CRACD: variants seen among roughly 807,000 people sequenced by gnomAD.
CRACD encodes the protein capping protein inhibiting regulator of actin dynamics.
CRACD carries 56 observed loss-of-function variants against 106.8 expected under a neutral mutation model. The ratio of observed to expected loss-of-function variants is 0.52; its 90% CI spans 0.42 to 0.66. The LOEUF (loss-of-function observed/expected upper bound fraction) is 0.66. Among genes scored for constraint, CRACD ranks in the 30% least tolerant of loss-of-function variants. The pLI, the probability that CRACD is intolerant of heterozygous loss-of-function variation, is 0.00. For synonymous variants in CRACD, 754 were observed against 670.8 expected (o/e 1.12, Z -1.92); for missense variants, 1,730 against 1,623.2 (o/e 1.07, Z -1.13).
Position 56,152,688 on chromosome 4 carries a change from A to G in CRACD, c.-335-26596A>G, listed in dbSNP as rs1386504906. On this transcript the variant is annotated intron_variant, in intron 1 of 10. Transcript: ENST00000682029. Reference sequence around the variant, plus strand: ...CAACTCCAGCCTGGGCGACAGAGTGAGACCCTGTCTCAAAAAAGATAAAAT... The same window carrying G: ...CAACTCCAGCCTGGGCGACAGAGTGGGACCCTGTCTCAAAAAAGATAAAAT... 5.3e-4 allele frequency among the ~76,000 whole-genome samples: 80 copies of G among 152,142 alleles called. 1 individual carries two copies. Among genetic ancestry groups the G allele is most frequent in the Admixed American group, 5.2e-3 (80 of 15,274 alleles).
chr4:56,117,170 G>A (rs778398500), intron 1 of CRACD, among the ~76,000 whole-genome samples: 3 of 151,726 alleles, frequency 2.0e-5, no homozygotes, highest in African/African-American at 7.3e-5. Context: ...ACAGGTGCCC[G>A]CCACCACGCC....
chr4:56,193,976 T>C (rs559719454), intron 2 of CRACD, among the ~76,000 whole-genome samples: 11 of 152,274 alleles, frequency 7.2e-5, no homozygotes, highest in African/African-American at 2.6e-4. Context: ...TTGGATTAAA[T>C]GGAAAAATAT....
At chr4:56,077,136 T>A (rs1732866153) in intron 1 of CRACD, among the ~76,000 whole-genome samples, 1 of 152,280 alleles carries the variant, frequency 6.6e-6, no homozygotes, top group African/African-American at 2.4e-5. Context: ...GGGTAATTTA[T>A]AAAGAAAAGA....
At chr4:56,166,055 GT>G (rs1307564403) in intron 1 of CRACD, among the ~76,000 whole-genome samples, 1 of 152,024 alleles carries the variant, frequency 6.6e-6, no homozygotes, top group Admixed American at 6.6e-5. Context: ...GTAGAGATGG[GT>G]TTTTTTCTAT....
chr4:56,316,665 C>T lies in CRACD; in HGVS notation c.3163C>T (p.Gln1055Ter). 1 of 1,611,158 alleles carries T rather than the reference C, an allele frequency of 6.2e-7. No individual in the cohort carries two copies. Among genetic ancestry groups the T allele is most frequent in the Non-Finnish European group, 8.5e-7 (1 of 1,178,530 alleles). ...TGCCACTCAGCAAGAGAAACCTTCT[C>T]AAACACCCGAGGCCGGGAGGAAAGG... ...LPATQQEKPS[Q>*]TPEAGRKEKP... Residue 1055 changes from glutamine (Q) to a stop codon, truncating the protein, a stop_gained, in exon 8 of 11, where the codon CAA becomes TAA. Coordinates refer to ENST00000682029, the MANE Select transcript of CRACD (RefSeq NM_001393381.1). LOFTEE classifies it high-confidence loss of function.
chr4:56,261,361 C>T (rs777461), intron 2 of CRACD, among the ~76,000 whole-genome samples: 37,148 of 140,684 alleles, frequency 0.26, 5,443 homozygotes, highest in African/African-American at 0.3. Flanking sequence ...TCTTCTTCTT[C>T]TTTTTTTTTT....
rs1745611453 is a variant in CRACD at position 56,315,992 on chromosome 4, G to C, written c.2490G>C (p.Lys830Asn). Reference protein sequence around the residue: ...SDSETANGIAKPDPVMPGGEE... With the variant: ...SDSETANGIANPDPVMPGGEE... Reference sequence around the variant, plus strand: ...GCGAGACTGCAAACGGGATAGCAAAGCCAGACCCTGTGATGCCAGGTGGAG... The same window carrying C: ...GCGAGACTGCAAACGGGATAGCAAACCCAGACCCTGTGATGCCAGGTGGAG... Residue 830 changes from lysine (K) to asparagine (N), a missense_variant, in exon 8 of 11, where the codon AAG becomes AAC. By Grantham distance (94) the Lys-to-Asn change is moderately conservative (BLOSUM62 0). Coordinates refer to ENST00000682029, the MANE Select transcript of CRACD (RefSeq NM_001393381.1). This position sits in a 1 kb window ranked among gnomAD's most constrained non-coding sequence, Gnocchi z 4.1. 2 of 1,614,128 alleles carry C rather than the reference G, an allele frequency of 1.2e-6. No homozygotes were observed. The highest frequency in any genetic ancestry group is 2.7e-5 in the African/African-American group (2 of 74,950).
intron 3 of CRACD, among the ~76,000 whole-genome samples, chr4:56,285,947 A>C (rs751690111): frequency 1.3e-5 from 2 of 152,056 alleles, no homozygotes; most frequent in African/African-American, 2.4e-5. Context: ...TAATCCCTAC[A>C]CTACACAACC....
chr4:56,115,064 T>TA (rs1334327035), intron 1 of CRACD, among the ~76,000 whole-genome samples: 74 of 152,314 alleles, frequency 4.9e-4, no homozygotes, highest in African/African-American at 1.6e-3. Flanking sequence ...AATTGACTTA[T>TA]AGTAATTCCA....
chr4:56,106,286 C>T (rs1029522362), intron 1 of CRACD, among the ~76,000 whole-genome samples: 3 of 152,154 alleles, frequency 2.0e-5, no homozygotes, highest in Non-Finnish European at 2.9e-5. Flanking sequence ...GAGGCAGAAA[C>T]GGCCCTAGGA....
chr4:56,262,358 A>G (rs1346326446), intron 2 of CRACD, among the ~76,000 whole-genome samples: 2 of 152,190 alleles, frequency 1.3e-5, no homozygotes, highest in Non-Finnish European at 2.9e-5. Flanking sequence ...TCTTATTTCT[A>G]CACACTTCGG....
rs111753508 is a variant in CRACD at position 56,178,611 on chromosome 4, C to G, written c.-335-673C>G. Among the ~76,000 whole-genome samples, 513 of 152,308 alleles carry G rather than the reference C, an allele frequency of 3.4e-3. 7 individuals carry two copies. The highest frequency in any genetic ancestry group is 0.012 in the African/African-American group (478 of 41,562). On this transcript the variant is annotated intron_variant, in intron 1 of 10. Transcript: ENST00000682029. ...TCTCTAAGCCCATACAAGCCAACCC[C>G]CATCAGGGCTTGACACCCTTGTCCA... is the stretch of plus-strand genomic sequence containing the variant.
chr4:56,288,325 G>A (rs765664200), intron 3 of CRACD, among the ~76,000 whole-genome samples: 8 of 151,984 alleles, frequency 5.3e-5, no homozygotes, highest in African/African-American at 9.7e-5. Flanking sequence ...TTTGAGCTTC[G>A]TTTAATCCAG....
At chr4:56,156,666 G>C (rs1039620459) in intron 1 of CRACD, among the ~76,000 whole-genome samples, 1 of 152,164 alleles carries the variant, frequency 6.6e-6, no homozygotes, top group Non-Finnish European at 1.5e-5. Context: ...TGAGCAGTTA[G>C]GGACAGTCAC....
At chr4:56,209,651 C>G (rs1280330445) in intron 2 of CRACD, among the ~76,000 whole-genome samples, 1 of 152,086 alleles carries the variant, frequency 6.6e-6, no homozygotes, top group African/African-American at 2.4e-5. Context: ...TTTAGCTTCT[C>G]TATACCATAC....
chr4:56,208,378 A>G (rs533191017), intron 2 of CRACD, among the ~76,000 whole-genome samples: 1 of 152,272 alleles, frequency 6.6e-6, no homozygotes, highest in East Asian at 1.9e-4. Context: ...TAGATTGTGA[A>G]GGGATTCGAT....
chr4:56,156,343 G>A lies in CRACD; in HGVS notation c.-335-22941G>A, dbSNP rs1029381346. 2.6e-5 allele frequency among the ~76,000 whole-genome samples: 4 copies of A among 152,186 alleles called. No individual in the cohort carries two copies. In the East Asian group the frequency reaches 5.8e-4, roughly 22 times the overall value. ...CTTCCTCTGAGAGGCTTTGCTGGGC[G>A]CCTCCAGCTGAGTTGGCTGCTGCCT... On this transcript the variant is annotated intron_variant, in intron 1 of 10. Coordinates refer to ENST00000682029, the MANE Select transcript of CRACD (RefSeq NM_001393381.1).
chr4:56,314,651 C>G lies in CRACD; in HGVS notation c.1149C>G (p.Pro383=), dbSNP rs1361554808. 6 of 1,543,574 alleles carry G rather than the reference C, an allele frequency of 3.9e-6. No homozygotes were observed. In the South Asian group the frequency reaches 7.2e-5, roughly 18 times the overall value. Residue 383 remains proline (P), a synonymous_variant, in exon 8 of 11, where the codon CCC becomes CCG. Coordinates refer to ENST00000682029, the MANE Select transcript of CRACD (RefSeq NM_001393381.1). The surrounding 1 kb of genome is among the most constrained non-coding windows in gnomAD (Gnocchi z 4.4). ...EQQEAEVQGP[P]EALEETGEGR... Reference sequence around the variant, plus strand: ...AGGAGGCGGAGGTGCAGGGGCCGCCCGAGGCGTTGGAGGAGACTGGGGAGG... The same window carrying G: ...AGGAGGCGGAGGTGCAGGGGCCGCCGGAGGCGTTGGAGGAGACTGGGGAGG...
chr4:56,165,865 A>G (rs1736121918), intron 1 of CRACD, among the ~76,000 whole-genome samples: 1 of 152,164 alleles, frequency 6.6e-6, no homozygotes, highest in Non-Finnish European at 1.5e-5. Flanking sequence ...GTGGAAATTG[A>G]ATTTGTTTTG....
Sources: gnomAD v4.1 joint callset for allele counts (sites outside exome capture counted in the v4.1 genomes callset) on GRCh38, gnomAD v4.1.1 for gene constraint, Gnocchi (gnomAD v3.1) non-coding constraint, MANE v1.5 for transcripts, NCBI Gene and HGNC (gene_info 2026-07-23, HGNC 2026-07-21) for gene names.